DPY19L4: variants seen among roughly 807,000 people sequenced by gnomAD.
DPY19L4 encodes the protein probable C-mannosyltransferase DPY19L4.
A neutral mutation model predicts 102.8 loss-of-function variants in DPY19L4; 97 were observed. The ratio of observed to expected loss-of-function variants is 0.94; its 90% confidence interval spans 0.80 to 1.12. The LOEUF is 1.12. Ranked by LOEUF, DPY19L4 falls within the 50% of genes most tolerant of loss-of-function variation. DPY19L4 has a pLI of 0.00. For synonymous variants in DPY19L4, 252 were observed against 283.1 expected (o/e 0.89, Z 1.10); for missense variants, 815 against 850.4 (o/e 0.96, Z 0.52).
At position 94,770,544 on chromosome 8, in the gene DPY19L4, T is replaced by G. The variant is rs370211887; in HGVS notation, c.1427T>G (p.Leu476Trp). The G allele has an allele frequency of 2.5e-6, 4 of 1,613,080 alleles. No homozygotes were observed. The African/African-American group carries it at 5.3e-5, about 22-fold the overall frequency. ...TATCATGTAATTCACACTATTTTAT[T>G]GGGTTCTCTTGCAATGGTTATAGAA... ...IIYHVIHTIL[L>W]GSLAMVIEGL... Residue 476 changes from leucine to tryptophan, a missense_variant, in exon 13 of 19, where the codon TTG becomes TGG. By Grantham distance (61) the Leu-to-Trp change is moderately conservative (BLOSUM62 -2). Coordinates refer to ENST00000414645, the MANE Select transcript of DPY19L4 (RefSeq NM_181787.3).
At chr8:94,769,888 CTTTTT>C (rs368515503) in intron 12 of DPY19L4, among the ~76,000 whole-genome samples, 1 of 131,228 alleles carries the variant, frequency 7.6e-6, no homozygotes, top group Non-Finnish European at 1.6e-5. Context: ...TTATTCTTTT[CTTTTT>C]TTTTTTTTTT....
At chr8:94,768,865 C>T (rs1177648748) in intron 12 of DPY19L4, among the ~76,000 whole-genome samples, 1 of 151,338 alleles carries the variant, frequency 6.6e-6, no homozygotes, top group African/African-American at 2.4e-5. Context: ...GATGGGTGCC[C>T]ATCTAATAAT....
At chr8:94,788,436 A>G (rs1357942972) in intron 18 of DPY19L4, among the ~76,000 whole-genome samples, 1 of 152,190 alleles carries the variant, frequency 6.6e-6, no homozygotes, top group Non-Finnish European at 1.5e-5. Flanking sequence ...TATGTTGAGA[A>G]ATTTCTTGTA....
At chr8:94,781,055 G>GTTT (rs1813404678) in intron 15 of DPY19L4, 29 bp from the exon 16 acceptor site, 1 of 843,204 alleles carries the variant, frequency 1.2e-6, no homozygotes, top group Admixed American at 3.1e-5. Flanking sequence ...ATCTTTTGGG[G>GTTT]ATTTTTTTTT....
chr8:94,738,992 A>G (rs963617285), intron 4 of DPY19L4, among the ~76,000 whole-genome samples: 1 of 152,180 alleles, frequency 6.6e-6, no homozygotes, highest in African/African-American at 2.4e-5. Flanking sequence ...CATTGGACAT[A>G]TATCACTTCC....
In DPY19L4 at chr8:94,734,734, T is replaced by C. The variant is rs746507953; in HGVS notation, c.232T>C (p.Phe78Leu). The C allele has an allele frequency of 6.8e-6, 11 of 1,613,592 alleles. No individual in the cohort carries two copies. In the South Asian group the frequency reaches 1.2e-4, roughly 18 times the overall value. ...CTTATCAGCATACCATGAACGGAAA[T>C]TCTGGTTTTCCAACAGGCAGGTAAG... ...LYLSAYHERK[F>L]WFSNRQELER... Residue 78 changes from phenylalanine to leucine, a missense_variant, in exon 3 of 19, where the codon TTC becomes CTC. Phe to Leu is a conservative substitution (Grantham distance 22). Transcript: ENST00000414645.
intron 7 of DPY19L4, among the ~76,000 whole-genome samples, chr8:94,760,739 G>A (rs548696600): frequency 6.6e-6 from 1 of 152,284 alleles, no homozygotes; most frequent in South Asian, 2.1e-4. Context: ...AAGGGATCCA[G>A]AATTTAAAAG....
intron 2 of DPY19L4, 37 bp downstream of exon 2, chr8:94,726,478 A>G: frequency 6.6e-7 from 1 of 1,510,366 alleles, no homozygotes; most frequent in Non-Finnish European, 9.0e-7. Flanking sequence ...GCTACTACAA[A>G]AATAGTTTAC....
chr8:94,733,402 G>A (rs1208176663), intron 2 of DPY19L4, among the ~76,000 whole-genome samples: 1 of 152,104 alleles, frequency 6.6e-6, no homozygotes, highest in Non-Finnish European at 1.5e-5. Context: ...TGGGATTACA[G>A]GTGTGAGCCA....
intron 12 of DPY19L4, among the ~76,000 whole-genome samples, chr8:94,770,181 CT>C (rs1453813319): frequency 6.6e-6 from 1 of 152,144 alleles, no homozygotes; most frequent in South Asian, 2.1e-4. Context: ...GTCACTGCCC[CT>C]AACCCTTTTT....
At chr8:94,765,064 T>C (rs1051268701) in intron 8 of DPY19L4, 119 bp from the exon 9 acceptor site, 2 of 784,170 alleles carry the variant, frequency 2.6e-6, no homozygotes, top group African/African-American at 3.6e-5. Context: ...TGCATAATAC[T>C]TTCCTAAATT....
Position 94,792,667 on chromosome 8 carries a change from T to C in DPY19L4, c.*2757T>C. ...GTCAGGAGATCGAGACCATCTTGGC[T>C]AACACGGTGAAACCCCGTCTCTACT... On this transcript the variant is annotated 3_prime_UTR_variant, in exon 19 of 19. Transcript: ENST00000414645. 6.6e-6 allele frequency: 1 copy of C among 152,166 alleles called. No homozygotes were observed. The highest frequency in any genetic ancestry group is 1.5e-5 in the Non-Finnish European group (1 of 68,166). The allele number at this position is 152,166 out of a possible 1,614,324, so 9.4% of individuals were successfully genotyped here.
intron 1 of DPY19L4, among the ~76,000 whole-genome samples, chr8:94,720,783 T>C (rs1273444426): frequency 6.6e-6 from 1 of 152,186 alleles, no homozygotes; most frequent in Non-Finnish European, 1.5e-5. Flanking sequence ...TGATAAACAA[T>C]ACAAGGAATA....
chr8:94,758,268 C>T lies in DPY19L4; in HGVS notation c.735+2109C>T, dbSNP rs1405286193. On this transcript the variant is annotated intron_variant, in intron 7 of 18. Transcript: ENST00000414645. Reference sequence around the variant, plus strand: ...CATTTTTGACCCCTCACCCAGCTTCCCCCAGTAATATCTTGCATGACCATA... The same window carrying T: ...CATTTTTGACCCCTCACCCAGCTTCTCCCAGTAATATCTTGCATGACCATA... Among the ~76,000 whole-genome samples, 19 of 152,090 alleles carry T rather than the reference C, an allele frequency of 1.2e-4. 1 individual carries two copies. The South Asian group carries it at 3.7e-3, about 30-fold the overall frequency.
At chr8:94,744,722 T>G in intron 6 of DPY19L4, 1 of 359,896 alleles carries the variant, frequency 2.8e-6, no homozygotes, top group South Asian at 2.1e-5. Flanking sequence ...AGAATAAGAC[T>G]CTCTTTAGAG....
intron 4 of DPY19L4, among the ~76,000 whole-genome samples, chr8:94,739,050 C>T (rs909888184): frequency 5.3e-5 from 8 of 152,078 alleles, no homozygotes; most frequent in African/African-American, 1.9e-4. Flanking sequence ...TGAAAATATA[C>T]ACTAAATTGT....
intron 6 of DPY19L4, among the ~76,000 whole-genome samples, chr8:94,749,798 C>T (rs1277502621): frequency 1.3e-5 from 2 of 152,174 alleles, no homozygotes. Flanking sequence ...AAGAACTTCT[C>T]TATTCCCTAC....
chr8:94,741,437 A>G (rs35050854), intron 6 of DPY19L4, among the ~76,000 whole-genome samples: 27,883 of 152,122 alleles, frequency 0.18, 3,314 homozygotes, highest in African/African-American at 0.34. Flanking sequence ...TCATTCTTCA[A>G]AAGTAGAATT....
chr8:94,729,988 C>A (rs1361884884), intron 2 of DPY19L4, among the ~76,000 whole-genome samples: 1 of 151,618 alleles, frequency 6.6e-6, no homozygotes, highest in Non-Finnish European at 1.5e-5. Flanking sequence ...GAAAAAAAAA[C>A]CAAAACTGCA....
Sources: gnomAD v4.1 joint callset for allele counts (sites outside exome capture counted in the v4.1 genomes callset) on GRCh38, gnomAD v4.1.1 for gene constraint, MANE v1.5 for transcripts, NCBI Gene and HGNC (gene_info 2026-07-23, HGNC 2026-07-21) for gene names.